TMPRSS12: variants seen among roughly 807,000 people sequenced by gnomAD.
TMPRSS12 encodes the protein transmembrane protease serine 12.
Under a neutral mutation model 26.0 loss-of-function variants are expected in TMPRSS12, and 25 were observed. The observed-to-expected ratio is 0.96, with a 90% CI of 0.70 to 1.34. TMPRSS12 has a LOEUF of 1.34. TMPRSS12 is among the 40% of genes most tolerant of loss of function. The pLI is 0.00. For synonymous variants in TMPRSS12, 150 were observed against 161.7 expected, an observed-to-expected ratio of 0.93 and a Z score of 0.55; for missense variants, 441 against 440.1, an observed-to-expected ratio of 1.00 and a Z score of -0.02.
intron 2 of TMPRSS12, among the ~76,000 whole-genome samples, chr12:50,847,743 A>G (rs920651256): frequency 1.3e-5 from 2 of 151,994 alleles, no homozygotes; most frequent in Non-Finnish European, 2.9e-5. Flanking sequence ...TAGAAATACA[A>G]AATATTAGCC....
At chr12:50,857,169 CTT>C (rs1382226280) in intron 2 of TMPRSS12, among the ~76,000 whole-genome samples, 4 of 151,990 alleles carry the variant, frequency 2.6e-5, no homozygotes, top group Admixed American at 1.3e-4. Flanking sequence ...GTGAAATAGC[CTT>C]TTACATTAAA....
intron 2 of TMPRSS12, among the ~76,000 whole-genome samples, chr12:50,851,565 C>A (rs1269082980): frequency 1.3e-5 from 2 of 152,148 alleles, no homozygotes; most frequent in South Asian, 2.1e-4. Flanking sequence ...ACCAAACCTA[C>A]AACTCATTGA....
intron 2 of TMPRSS12, among the ~76,000 whole-genome samples, chr12:50,856,600 A>T (rs1277142251): frequency 6.6e-6 from 1 of 152,112 alleles, no homozygotes; most frequent in African/African-American, 2.4e-5. Context: ...CAAGAGTGAG[A>T]CTACCTTGTC....
At chr12:50,885,575 C>A (rs1302696362) in intron 4 of TMPRSS12, 187 bp downstream of exon 4, 2 of 698,688 alleles carry the variant, frequency 2.9e-6, no homozygotes, top group Non-Finnish European at 4.9e-6. Flanking sequence ...TTTCTGCTGT[C>A]ATCAGTAGGC....
At chr12:50,846,945 A>T (rs1278147959) in intron 2 of TMPRSS12, among the ~76,000 whole-genome samples, 1 of 150,702 alleles carries the variant, frequency 6.6e-6, no homozygotes, top group African/African-American at 2.4e-5. Flanking sequence ...AGATTATTTT[A>T]GCTATTTGGA....
At chr12:50,880,569 G>A (rs912876084) in intron 3 of TMPRSS12, among the ~76,000 whole-genome samples, 5 of 152,056 alleles carry the variant, frequency 3.3e-5, no homozygotes, top group African/African-American at 1.2e-4. Flanking sequence ...ACAGTTTGAC[G>A]GTTTCTGGGA....
chr12:50,881,147 A>G (rs1938160746), intron 3 of TMPRSS12, among the ~76,000 whole-genome samples: 1 of 151,506 alleles, frequency 6.6e-6, no homozygotes, highest in Non-Finnish European at 1.5e-5. Context: ...ATGCCTGGCT[A>G]ATTTTTTATA....
intron 3 of TMPRSS12, among the ~76,000 whole-genome samples, chr12:50,866,335 C>T (rs1263838599): frequency 5.9e-5 from 9 of 152,080 alleles, no homozygotes; most frequent in Non-Finnish European, 1.2e-4. Context: ...TGTGTGGGAG[C>T]TGGATGAGGC....
chr12:50,854,497 T>C (rs747233100), intron 2 of TMPRSS12, among the ~76,000 whole-genome samples: 1 of 152,048 alleles, frequency 6.6e-6, no homozygotes, highest in Non-Finnish European at 1.5e-5. Context: ...GGCATCCAAA[T>C]AGGAAGAGAG....
intron 2 of TMPRSS12, 83 bp from the exon 3 acceptor site, chr12:50,858,702 T>G: frequency 4.7e-5 from 52 of 1,103,984 alleles, no homozygotes; most frequent in Non-Finnish European, 6.3e-5. Flanking sequence ...TAATCTAACA[T>G]GAGAAGAAAA....
chr12:50,844,035 T>C lies in TMPRSS12; in HGVS notation c.381T>C (p.Ala127=). The part of the protein sequence containing the change: ...VLTAAHCTKD[A]SDPLMWTAVI... The stretch of plus-strand genomic sequence containing the variant: ...CAGCTGCCCACTGCACTAAAGACGC[T>C]AGGTACGTATTCAGAACACAACTAT... The change falls in exon 2 of 5, where the codon GCT becomes GCC. Residue 127 remains alanine (A), a splice_region_variant and synonymous_variant. Coordinates refer to ENST00000398458, the MANE Select transcript of TMPRSS12 (RefSeq NM_182559.3). 1.3e-6 allele frequency: 2 copies of C among 1,558,016 alleles called. No homozygotes were observed. Among genetic ancestry groups the C allele is most frequent in the South Asian group, 2.5e-5 (2 of 81,464 alleles).
chr12:50,864,557 G>C (rs1321819229), intron 3 of TMPRSS12, among the ~76,000 whole-genome samples: 1 of 151,794 alleles, frequency 6.6e-6, no homozygotes, highest in Non-Finnish European at 1.5e-5. Context: ...AGCCTCCCAA[G>C]GACTTCAGAT....
rs377704477 is a variant in TMPRSS12 at position 50,843,642 on chromosome 12, G to A, written c.188-200G>A. On this transcript the variant is annotated intron_variant, in intron 1 of 4. Transcript: ENST00000398458. Reference sequence around the variant, plus strand: ...AATTAATGAATTGTGTTGACTTCATGTCTATTTGTAAGTAATCGATTATGG... The same window carrying A: ...AATTAATGAATTGTGTTGACTTCATATCTATTTGTAAGTAATCGATTATGG... Among the ~76,000 whole-genome samples, 33 of 152,256 alleles carry A rather than the reference G, an allele frequency of 2.2e-4. No individual in the cohort carries two copies. In the South Asian group the frequency reaches 3.3e-3, roughly 15 times the overall value.
At chr12:50,845,153 A>G (rs921211602) in intron 2 of TMPRSS12, among the ~76,000 whole-genome samples, 1 of 152,230 alleles carries the variant, frequency 6.6e-6, no homozygotes, top group East Asian at 1.9e-4. Context: ...CCATTGACCC[A>G]TAAAATCCAA....
At chr12:50,876,585 A>G (rs1445250872) in intron 3 of TMPRSS12, among the ~76,000 whole-genome samples, 2 of 152,066 alleles carry the variant, frequency 1.3e-5, no homozygotes, top group African/African-American at 4.8e-5. Flanking sequence ...CGGGCAGATC[A>G]TGAGGTCAGG....
intron 3 of TMPRSS12, among the ~76,000 whole-genome samples, chr12:50,865,988 A>T (rs904493968): frequency 5.9e-5 from 9 of 152,118 alleles, no homozygotes; most frequent in Non-Finnish European, 1.2e-4. Flanking sequence ...TCCAACATGG[A>T]GCTTCTGTAC....
intron 2 of TMPRSS12, among the ~76,000 whole-genome samples, chr12:50,854,983 A>G (rs1413434472): frequency 1.3e-5 from 2 of 152,200 alleles, no homozygotes; most frequent in Non-Finnish European, 2.9e-5. Flanking sequence ...ACGTGGAACC[A>G]AAAGAGAGCC....
At chr12:50,860,496 G>A (rs1937924433) in intron 3 of TMPRSS12, among the ~76,000 whole-genome samples, 1 of 152,132 alleles carries the variant, frequency 6.6e-6, no homozygotes, top group Non-Finnish European at 1.5e-5. Context: ...GCTCACTGCA[G>A]CCTCAAACTC....
chr12:50,885,398 A>C lies in TMPRSS12; in HGVS notation c.795+10A>C. 6.2e-7 allele frequency: 1 copy of C among 1,613,794 alleles called. No homozygotes were observed. Among genetic ancestry groups the C allele is most frequent in the Non-Finnish European group, 8.5e-7 (1 of 1,179,844 alleles). ...TTTTGATACTTGCAGGGTAAGACCA[A>C]GTAATTTTCCTTTAAAATATTTTCT... On this transcript the variant is annotated intron_variant, in intron 4 of 4. Coordinates refer to ENST00000398458, the MANE Select transcript of TMPRSS12 (RefSeq NM_182559.3).
Sources: gnomAD v4.1 joint callset for allele counts (sites outside exome capture counted in the v4.1 genomes callset) on GRCh38, gnomAD v4.1.1 for gene constraint, MANE v1.5 for transcripts, NCBI Gene and HGNC (gene_info 2026-07-23, HGNC 2026-07-21) for gene names.